The following KAZN variants were observed in gnomAD, a reference collection of about 807,000 sequenced individuals.
KAZN encodes the protein kazrin.
A neutral mutation model predicts 87.4 loss-of-function variants in KAZN; 40 were observed. The ratio of observed to expected loss-of-function variants is 0.46; its 90% CI spans 0.36 to 0.60. KAZN has a LOEUF of 0.60. KAZN is among the 20% of genes least tolerant of loss of function. KAZN has a pLI of 0.00. For missense variants in KAZN, 898 were observed against 1,073.9 expected, an observed-to-expected ratio of 0.84 and a Z score of 2.29; for synonymous variants, 466 against 458.3, an observed-to-expected ratio of 1.02 and a Z score of -0.22.
At chr1:14,027,110 G>A (rs1282426599) in intron 1 of KAZN, among the ~76,000 whole-genome samples, 1 of 152,190 alleles carries the variant, frequency 6.6e-6, no homozygotes, top group South Asian at 2.1e-4. Flanking sequence ...TTATCCAAAG[G>A]ACAGCATATC....
Position 14,203,987 on chromosome 1 carries a change from G to A in KAZN, c.249+23395G>A, listed in dbSNP as rs111913823. On this transcript the variant is annotated intron_variant, in intron 2 of 16. Coordinates refer to the KAZN transcript ENST00000636203. Reference sequence around the variant, plus strand: ...AGGATTCATCAGTGTTCTCCAGAGAGTGGAATAGAAATCACATTTGGGTGT... The same window carrying A: ...AGGATTCATCAGTGTTCTCCAGAGAATGGAATAGAAATCACATTTGGGTGT... Among the ~76,000 whole-genome samples, 1,509 of 152,314 alleles carry A rather than the reference G, an allele frequency of 9.9e-3. 17 individuals are homozygous for A. The highest frequency in any genetic ancestry group is 0.035 in the African/African-American group (1,441 of 41,572).
At chr1:14,425,144 G>A (rs1054960306) in intron 2 of KAZN, among the ~76,000 whole-genome samples, 1 of 152,162 alleles carries the variant, frequency 6.6e-6, no homozygotes, top group Non-Finnish European at 1.5e-5. Context: ...CTTCATCAGA[G>A]GCCAACCTGA....
At chr1:15,064,690 AAGTACCAAGCCATTGCCTTCGG>A in intron 7 of KAZN, among the ~76,000 whole-genome samples, 1 of 152,202 alleles carries the variant, frequency 6.6e-6, no homozygotes, top group Non-Finnish European at 1.5e-5. Context: ...TGTCCAGGGC[AAGTACCAAGCCATTGCCTTCGG>A]CTGACGCAGG....
intron 1 of KAZN, among the ~76,000 whole-genome samples, chr1:14,175,335 T>C (rs777341494): frequency 3.3e-5 from 5 of 152,124 alleles, no homozygotes; most frequent in Non-Finnish European, 7.4e-5. Flanking sequence ...GATCTCCTGA[T>C]CTCGTGATCC....
At chr1:14,875,256 G>A (rs1017786608) in intron 1 of KAZN, among the ~76,000 whole-genome samples, 12 of 149,494 alleles carry the variant, frequency 8.0e-5, no homozygotes, top group African/African-American at 1.7e-4. Flanking sequence ...ACTTGAACCC[G>A]GGAGGCAGAG....
chr1:14,073,522 G>T (rs572691256), intron 1 of KAZN, among the ~76,000 whole-genome samples: 2 of 152,192 alleles, frequency 1.3e-5, no homozygotes, highest in Non-Finnish European at 1.5e-5. Flanking sequence ...TCTACATTAG[G>T]TATTTCTCCT....
intron 1 of KAZN, among the ~76,000 whole-genome samples, chr1:14,733,205 AAGCAGTCTGAGTGATTGC>A (rs1159701582): frequency 1.3e-5 from 2 of 152,118 alleles, no homozygotes; most frequent in Non-Finnish European, 2.9e-5. Context: ...CTTGGTAATT[AAGCAGTCTGAGTGATTGC>A]AGAATTCTCG....
At chr1:14,963,443 C>T (rs901965241) in intron 2 of KAZN, among the ~76,000 whole-genome samples, 1 of 152,202 alleles carries the variant, frequency 6.6e-6, no homozygotes, top group African/African-American at 2.4e-5. Flanking sequence ...ACTGCACAGA[C>T]ACGCCTCATC....
intron 1 of KAZN, among the ~76,000 whole-genome samples, chr1:14,876,883 A>G (rs146001474): frequency 2.6e-3 from 395 of 152,352 alleles, no homozygotes; most frequent in Middle Eastern, 6.8e-3. Flanking sequence ...CTTTGACATG[A>G]ACTAAAGAAA....
intron 2 of KAZN, among the ~76,000 whole-genome samples, chr1:14,422,455 G>T (rs925235125): frequency 6.6e-6 from 1 of 152,184 alleles, no homozygotes; most frequent in Non-Finnish European, 1.5e-5. Flanking sequence ...GACACTTCCA[G>T]GGTCAACCTG....
chr1:13,933,163 AT>A (rs1244497546), intron 1 of KAZN, among the ~76,000 whole-genome samples: 2 of 151,918 alleles, frequency 1.3e-5, no homozygotes, highest in Non-Finnish European at 2.9e-5. Context: ...TCAGGGTCAC[AT>A]TTAGGTCCCT....
intron 2 of KAZN, among the ~76,000 whole-genome samples, chr1:14,220,234 ACT>A (rs2100495600): frequency 1.3e-5 from 2 of 151,978 alleles, no homozygotes; most frequent in East Asian, 1.9e-4. Context: ...TGTATTTCTG[ACT>A]CTCTGCTCAT....
At chr1:14,160,198 G>T (rs1447123596) in intron 1 of KAZN, among the ~76,000 whole-genome samples, 1 of 152,164 alleles carries the variant, frequency 6.6e-6, no homozygotes, top group African/African-American at 2.4e-5. Context: ...AGGCCCCACA[G>T]CACTTTAGCC....
chr1:13,958,930 C>T (rs112307368), intron 1 of KAZN, among the ~76,000 whole-genome samples: 47 of 152,182 alleles, frequency 3.1e-4, no homozygotes, highest in Admixed American at 8.5e-4. Context: ...GAGGTCTGAC[C>T]GCAGCTAAGA....
At chr1:14,608,583 A>G (rs1186686492) in intron 1 of KAZN, among the ~76,000 whole-genome samples, 1 of 152,242 alleles carries the variant, frequency 6.6e-6, no homozygotes, top group East Asian at 1.9e-4. Flanking sequence ...ACTGCAGAGA[A>G]CAGCTACTAC....
At chr1:14,857,488 G>A (rs1308205752) in intron 1 of KAZN, among the ~76,000 whole-genome samples, 1 of 152,044 alleles carries the variant, frequency 6.6e-6, no homozygotes, top group Non-Finnish European at 1.5e-5. Context: ...AGCCGAGATC[G>A]CGCCACTCTA....
intron 2 of KAZN, among the ~76,000 whole-genome samples, chr1:14,514,387 T>TATAA (rs1671120794): frequency 8.5e-5 from 1 of 11,700 alleles, no homozygotes; most frequent in African/African-American, 4.1e-4. Context: ...TATATATATA[T>TATAA]TATATATATT....
intron 1 of KAZN, among the ~76,000 whole-genome samples, chr1:14,932,746 A>C (rs1191516348): frequency 1.3e-5 from 2 of 151,876 alleles, no homozygotes; most frequent in Non-Finnish European, 2.9e-5. Context: ...CCCACCCCAG[A>C]AACTGACTCC....
At chr1:14,397,911 G>A (rs1426666120) in intron 2 of KAZN, among the ~76,000 whole-genome samples, 6 of 148,750 alleles carry the variant, frequency 4.0e-5, no homozygotes, top group African/African-American at 1.5e-4. Flanking sequence ...CCTGTTCTGA[G>A]ATAAGGCTTC....
Sources: allele counts gnomAD v4.1 joint callset (sites outside exome capture counted in the v4.1 genomes callset), GRCh38; gene constraint gnomAD v4.1.1; transcripts MANE v1.5; gene names NCBI Gene and HGNC (gene_info 2026-07-23, HGNC 2026-07-21).